DIAPH1: variants seen among roughly 807,000 people sequenced by gnomAD.
The protein encoded by DIAPH1 is diaphanous related formin 1.
In DIAPH1, 46 loss-of-function variants were observed where a neutral mutation model predicts 140.7. The ratio of observed to expected loss-of-function variants is 0.33; its 90% CI spans 0.26 to 0.42. The LOEUF (loss-of-function observed/expected upper bound fraction) is 0.42. Among genes scored for constraint, DIAPH1 ranks in the 10% least tolerant of loss-of-function variants. The pLI, the probability that DIAPH1 is intolerant of heterozygous loss-of-function variation, is 1.00. For synonymous variants in DIAPH1, 565 were observed against 551.6 expected (o/e 1.02, Z -0.34); for missense variants, 1,310 against 1,558.7 (o/e 0.84, Z 2.69).
chr5:141,578,662 A>G lies in DIAPH1; in HGVS notation c.934-37T>C, dbSNP rs1386105943. 4.8e-6 allele frequency: 7 copies of G among 1,461,320 alleles called. No homozygotes were observed. In the South Asian group the frequency reaches 6.8e-5, roughly 14 times the overall value. 90.5% of individuals were successfully genotyped at this position (1,461,320 alleles called of 1,614,324 possible). A position where few individuals can be genotyped will look rare whatever the true frequency, so the allele number is the denominator to read the frequency against. ...AAATTCAGCAGCTATGTCAATGCTA[A>G]CTCCTGGAGATCAAGAATCCATTTT... is the stretch of plus-strand genomic sequence containing the variant. On this transcript the variant is annotated intron_variant, in intron 9 of 27. Transcript: ENST00000389054.
chr5:141,598,479 C>A (rs2099899651), intron 1 of DIAPH1, among the ~76,000 whole-genome samples: 1 of 152,148 alleles, frequency 6.6e-6, no homozygotes, highest in Non-Finnish European at 1.5e-5. Flanking sequence ...TCAAAAATAA[C>A]AGCATCAAAT....
intron 7 of DIAPH1, among the ~76,000 whole-genome samples, chr5:141,581,304 C>T (rs941587356): frequency 6.6e-6 from 1 of 152,132 alleles, no homozygotes; most frequent in African/African-American, 2.4e-5. Flanking sequence ...AAAGAACCAA[C>T]CGTGCTGGTA....
chr5:141,530,042 C>T (rs146618620), intron 19 of DIAPH1, among the ~76,000 whole-genome samples: 168 of 152,248 alleles, frequency 1.1e-3, no homozygotes, highest in African/African-American at 4.0e-3. Context: ...TGTGACCGCA[C>T]CACTGCACTC....
intron 18 of DIAPH1, chr5:141,535,960 T>C (rs891257777): frequency 1.1e-5 from 5 of 461,706 alleles, no homozygotes; most frequent in African/African-American, 2.0e-5. Flanking sequence ...TAAACAAGAA[T>C]TAAAACAAAA....
chr5:141,615,437 GAAAA>G (rs1013629826), intron 1 of DIAPH1, among the ~76,000 whole-genome samples: 2 of 46,324 alleles, frequency 4.3e-5, no homozygotes, highest in South Asian at 7.5e-4. Flanking sequence ...CTCAGAAAAA[GAAAA>G]AAAAAAAAAA....
intron 1 of DIAPH1, among the ~76,000 whole-genome samples, chr5:141,591,406 T>A (rs2099898382): frequency 6.6e-6 from 1 of 151,756 alleles, no homozygotes; most frequent in South Asian, 2.1e-4. Flanking sequence ...TCATTATATC[T>A]CCTATGAACA....
At chr5:141,585,432 C>T (rs1410259711) in intron 3 of DIAPH1, among the ~76,000 whole-genome samples, 11 of 152,108 alleles carry the variant, frequency 7.2e-5, no homozygotes, top group African/African-American at 2.4e-4. Context: ...ATTCATCCAT[C>T]GAATTTCATG....
rs570074502 is a variant in DIAPH1 at position 141,588,205 on chromosome 5, C to T, written c.144+19G>A. The T allele has an allele frequency of 2.1e-5, 33 of 1,605,650 alleles. No individual in the cohort carries two copies. The African/African-American group carries it at 3.9e-4, about 19-fold the overall frequency. ...GGCAATGAGCTAGAACATGCACATGCTAAACAAAATGTCCTTACCTCATCT... is the reference window on the plus strand; with the variant it reads ...GGCAATGAGCTAGAACATGCACATGTTAAACAAAATGTCCTTACCTCATCT... On this transcript the variant is annotated intron_variant, in intron 2 of 27. Transcript: ENST00000389054.
chr5:141,590,867 T>C (rs2154596813), intron 1 of DIAPH1, among the ~76,000 whole-genome samples: 1 of 152,226 alleles, frequency 6.6e-6, no homozygotes, highest in Middle Eastern at 3.4e-3. Context: ...GTCTCCTGTT[T>C]GATTTACTCC....
At chr5:141,611,698 G>C (rs533563548) in intron 1 of DIAPH1, among the ~76,000 whole-genome samples, 1 of 152,348 alleles carries the variant, frequency 6.6e-6, no homozygotes, top group East Asian at 1.9e-4. Context: ...ATCTTGAACA[G>C]ATTCTTAAGA....
chr5:141,578,346 G>C lies in DIAPH1; in HGVS notation c.1045-3C>G. 1 of 1,610,130 alleles carries C rather than the reference G, an allele frequency of 6.2e-7. No individual in the cohort carries two copies. Among genetic ancestry groups the C allele is most frequent in the Non-Finnish European group, 8.5e-7 (1 of 1,176,378 alleles). On this transcript the variant is annotated splice_polypyrimidine_tract_variant and splice_region_variant and intron_variant, in intron 10 of 27. Transcript: ENST00000389054. ...TCATTTTCAATCTCTCGAAGGTCCT[G>C]TCAACAACAAAAGTAGAAGTCAGGG... is the stretch of plus-strand genomic sequence containing the variant.
rs1428058088 is a variant in DIAPH1 at position 141,534,450 on chromosome 5, T to C, written c.2483-17A>G. On this transcript the variant is annotated splice_polypyrimidine_tract_variant and intron_variant, in intron 18 of 27. Transcript: ENST00000389054. ...CCTTCTTGGCTAGCAGGGAAAAGAT[T>C]AGAAAAGCATGATTAAAAGTAAGCC... 2 of 1,607,234 alleles carry C rather than the reference T, an allele frequency of 1.2e-6. No homozygotes were observed. Among genetic ancestry groups the C allele is most frequent in the Non-Finnish European group, 1.7e-6 (2 of 1,174,728 alleles).
chr5:141,578,876 A>G (rs1011119780), intron 9 of DIAPH1, among the ~76,000 whole-genome samples: 1 of 152,218 alleles, frequency 6.6e-6, no homozygotes, highest in Non-Finnish European at 1.5e-5. Flanking sequence ...TTGTAAATAG[A>G]TATCATGCCT....
intron 1 of DIAPH1, among the ~76,000 whole-genome samples, chr5:141,605,562 A>G (rs1201376175): frequency 1.3e-5 from 2 of 152,316 alleles, no homozygotes; most frequent in African/African-American, 2.4e-5. Context: ...CTGACAAGGC[A>G]CAGTTACAAA....
Position 141,516,568 on chromosome 5 carries a change from A to G in DIAPH1, c.*283T>C. On this transcript the variant is annotated 3_prime_UTR_variant, in exon 28 of 28. Transcript: ENST00000389054. Reference sequence around the variant, plus strand: ...TGAGGCCCTCTGAGTAACAGAGAGGAGACAGGGTTAAGGCAGCAAACATGG... The same window carrying G: ...TGAGGCCCTCTGAGTAACAGAGAGGGGACAGGGTTAAGGCAGCAAACATGG... The G allele has an allele frequency of 2.1e-6, 1 of 482,694 alleles. No homozygotes were observed. 29.9% of individuals were successfully genotyped at this position (482,694 alleles called of 1,614,324 possible). A position where few individuals can be genotyped will look rare whatever the true frequency, so the allele number is the denominator to read the frequency against.
Position 141,573,175 on chromosome 5 carries a change from G to A in DIAPH1, c.2358+317C>T, listed in dbSNP as rs569092784. 8.5e-5 allele frequency among the ~76,000 whole-genome samples: 13 copies of A among 152,066 alleles called. No homozygotes were observed. In the East Asian group the frequency reaches 1.6e-3, roughly 18 times the overall value. Reference sequence around the variant, plus strand: ...TGGTGGGCCGGGCGCGGTGGCTCACGCCTGTAATCCCAGCACTTTGGGAGG... The same window carrying A: ...TGGTGGGCCGGGCGCGGTGGCTCACACCTGTAATCCCAGCACTTTGGGAGG... On this transcript the variant is annotated intron_variant, in intron 16 of 27. Transcript: ENST00000389054.
intron 15 of DIAPH1, 95 bp from the exon 16 acceptor site, chr5:141,574,303 C>T (rs2099895630): frequency 7.9e-7 from 1 of 1,271,082 alleles, no homozygotes; most frequent in Non-Finnish European, 1.1e-6. Flanking sequence ...CCAAACTTCT[C>T]ATGTTACAAA....
chr5:141,584,056 C>CAA (rs372035027), intron 4 of DIAPH1, 68 bp downstream of exon 4: 104 of 829,832 alleles, frequency 1.3e-4, no homozygotes, highest in African/African-American at 1.8e-4. Context: ...ATAAAATTGG[C>CAA]AAAAAAAAAA....
chr5:141,613,847 G>C (rs1209027887), intron 1 of DIAPH1, among the ~76,000 whole-genome samples: 1 of 152,048 alleles, frequency 6.6e-6, no homozygotes, highest in Non-Finnish European at 1.5e-5. Context: ...TAGCTTAAAA[G>C]TTTTAAGAAA....
Sources: allele counts gnomAD v4.1 joint callset (sites outside exome capture counted in the v4.1 genomes callset), GRCh38; gene constraint gnomAD v4.1.1; transcripts MANE v1.5; gene names NCBI Gene and HGNC (gene_info 2026-07-23, HGNC 2026-07-21).